RFC3: variants seen among roughly 807,000 people sequenced by gnomAD.
RFC3 encodes the protein replication factor C subunit 3.
A neutral mutation model predicts 45.1 loss-of-function variants in RFC3; 41 were observed. The ratio of observed to expected loss-of-function variants is 0.91; its 90% CI spans 0.71 to 1.18. The LOEUF (loss-of-function observed/expected upper bound fraction) is 1.18. RFC3 is among the 50% of genes most tolerant of loss of function. The pLI is 0.00. For synonymous variants in RFC3, 149 were observed against 144.0 expected (o/e 1.03, Z -0.25); for missense variants, 423 against 428.1 (o/e 0.99, Z 0.10).
At chr13:33,826,495 G>A (rs1211199993) in intron 4 of RFC3, among the ~76,000 whole-genome samples, 1 of 152,108 alleles carries the variant, frequency 6.6e-6, no homozygotes, top group Non-Finnish European at 1.5e-5. Flanking sequence ...TTTAGTGAGT[G>A]TGATAAATTT....
intron 8 of RFC3, among the ~76,000 whole-genome samples, chr13:33,884,188 C>T (rs1021143409): frequency 2.0e-5 from 3 of 152,190 alleles, no homozygotes; most frequent in African/African-American, 4.8e-5. Context: ...CAAGGATACA[C>T]GATAGCATCT....
intron 8 of RFC3, among the ~76,000 whole-genome samples, chr13:33,937,213 A>C (rs940235419): frequency 2.6e-5 from 4 of 152,174 alleles, no homozygotes; most frequent in Admixed American, 6.5e-5. Flanking sequence ...TAGATATACA[A>C]ATACTTACCA....
At chr13:33,970,109 C>A, downstream of RFC3, among the ~76,000 whole-genome samples, 1 of 151,986 alleles carries the variant, frequency 6.6e-6, no homozygotes, top group East Asian at 1.9e-4. Context: ...TCCAACAGAC[C>A]CCAGTGTGTG....
At chr13:33,941,487 T>G (rs1177870677) in intron 8 of RFC3, among the ~76,000 whole-genome samples, 1 of 152,184 alleles carries the variant, frequency 6.6e-6, no homozygotes, top group Non-Finnish European at 1.5e-5. Context: ...TGCAGCATAT[T>G]CATTTTACCT....
chr13:33,856,227 A>G (rs1328949833), intron 8 of RFC3, among the ~76,000 whole-genome samples: 2 of 152,226 alleles, frequency 1.3e-5, no homozygotes, highest in Non-Finnish European at 1.5e-5. Flanking sequence ...TAGCAAACTA[A>G]TTCAGGAACA....
At chr13:33,831,847 G>A (rs2082107917) in intron 7 of RFC3, among the ~76,000 whole-genome samples, 1 of 152,118 alleles carries the variant, frequency 6.6e-6, no homozygotes, top group Non-Finnish European at 1.5e-5. Flanking sequence ...GTATATTGAA[G>A]ATATTATTAT....
intron 8 of RFC3, among the ~76,000 whole-genome samples, chr13:33,856,405 G>A (rs1256861171): frequency 6.6e-6 from 1 of 152,164 alleles, no homozygotes; most frequent in African/African-American, 2.4e-5. Flanking sequence ...ATACCTGGAT[G>A]ATGAGATAAT....
intron 8 of RFC3, among the ~76,000 whole-genome samples, chr13:33,890,195 T>C (rs1242478490): frequency 6.6e-6 from 1 of 152,170 alleles, no homozygotes; most frequent in East Asian, 1.9e-4. Context: ...ACTTGAGGCC[T>C]GCATAACCCT....
intron 7 of RFC3, among the ~76,000 whole-genome samples, chr13:33,832,606 A>G (rs907062366): frequency 6.6e-6 from 1 of 152,192 alleles, no homozygotes; most frequent in African/African-American, 2.4e-5. Context: ...TTCTCCAAGA[A>G]GTACCAAATG....
intron 8 of RFC3, among the ~76,000 whole-genome samples, chr13:33,922,211 A>G (rs1237265539): frequency 8.8e-6 from 1 of 113,488 alleles, no homozygotes; most frequent in East Asian, 2.5e-4. Context: ...AAGCAGCTTT[A>G]TTGGAACATA....
At chr13:33,850,827 G>A (rs994513165) in intron 8 of RFC3, 1 of 152,066 alleles carries the variant, frequency 6.6e-6, no homozygotes, top group Non-Finnish European at 1.5e-5. Context: ...TGAAAACTTG[G>A]TGCTCATGAG....
In RFC3 at chr13:33,836,943, A is replaced by G. The variant is rs2082160319; in HGVS notation, c.*648A>G. ...GAAAATTCAGAATGAAGTTCTGGAG[A>G]AAGGTATGTTACTGTAGTAATTACT... is the stretch of plus-strand genomic sequence containing the variant. On this transcript the variant is annotated 3_prime_UTR_variant, in exon 9 of 9. Coordinates refer to ENST00000380071, the MANE Select transcript of RFC3 (RefSeq NM_002915.4). The G allele has an allele frequency of 1.0e-6, 1 of 984,786 alleles. No homozygotes were observed. The highest frequency in any genetic ancestry group is 4.7e-5 in the South Asian group (1 of 21,280). 61.0% of individuals were successfully genotyped at this position (984,786 alleles called of 1,614,324 possible). A position where few individuals can be genotyped will look rare whatever the true frequency, so the allele number is the denominator to read the frequency against.
At chr13:33,855,544 A>G (rs2082303653) in intron 8 of RFC3, among the ~76,000 whole-genome samples, 1 of 152,178 alleles carries the variant, frequency 6.6e-6, no homozygotes, top group African/African-American at 2.4e-5. Flanking sequence ...TCTTTGAGGA[A>G]GTGCCACACT....
In RFC3 at chr13:33,888,894, C is replaced by T. The variant is rs138107381; in HGVS notation, c.879+53677C>T. ...CTGAGTAGCTGGGACTACAGGCGCCCGCCACCATGCCTGGCTAATTTTTGT... is the reference window on the plus strand; with the variant it reads ...CTGAGTAGCTGGGACTACAGGCGCCTGCCACCATGCCTGGCTAATTTTTGT... On this transcript the variant is annotated intron_variant, in intron 8 of 8. Transcript: ENST00000434425. Among the ~76,000 whole-genome samples, 1,204 of 152,038 alleles carry T rather than the reference C, an allele frequency of 7.9e-3. 14 individuals carry two copies. Among genetic ancestry groups the T allele is most frequent in the African/African-American group, 0.028 (1,152 of 41,492 alleles).
At chr13:33,899,787 A>G (rs1367152536) in intron 8 of RFC3, among the ~76,000 whole-genome samples, 1 of 151,918 alleles carries the variant, frequency 6.6e-6, no homozygotes, top group Non-Finnish European at 1.5e-5. Flanking sequence ...AAACCTAAAG[A>G]CTTCACCAAA....
At chr13:33,863,176 A>G (rs1482394057) in intron 8 of RFC3, among the ~76,000 whole-genome samples, 9 of 152,240 alleles carry the variant, frequency 5.9e-5, no homozygotes, top group Admixed American at 3.3e-4. Flanking sequence ...TTTCATCACA[A>G]TAGTTATAAC....
Position 33,830,722 on chromosome 13 carries a change from TG to T in RFC3, c.578del (p.Cys193SerfsTer13). The T allele has an allele frequency of 7.5e-6, 12 of 1,596,952 alleles. No individual in the cohort carries two copies. The highest frequency in any genetic ancestry group is 1.0e-5 in the Non-Finnish European group (12 of 1,174,704). On this transcript the variant is annotated frameshift_variant, in exon 6 of 9. Transcript: ENST00000380071. LOFTEE classifies it high-confidence loss of function. ...TTTTTGTTAATTTTATTTGTAGATT[TG>T]CCACGTGTTATCTACTGTGTGTAAG... ...RVPAPSIEDI[C>X]HVLSTVCKKE... is the part of the protein sequence containing the mutation.
chr13:33,906,110 G>T (rs1176583668), intron 8 of RFC3, among the ~76,000 whole-genome samples: 7 of 152,070 alleles, frequency 4.6e-5, no homozygotes, highest in Non-Finnish European at 2.9e-5. Flanking sequence ...TTTGATTAAT[G>T]ATTCTGTTTG....
At chr13:33,924,626 A>T (rs1444859409) in intron 8 of RFC3, among the ~76,000 whole-genome samples, 1 of 149,664 alleles carries the variant, frequency 6.7e-6, no homozygotes, top group African/African-American at 2.4e-5. Context: ...ATATATACAC[A>T]CCATCATTTA....
Sources: gnomAD v4.1 joint callset for allele counts (sites outside exome capture counted in the v4.1 genomes callset) on GRCh38, gnomAD v4.1.1 for gene constraint, MANE v1.5 for transcripts, NCBI Gene and HGNC (gene_info 2026-07-23, HGNC 2026-07-21) for gene names.